Variants in TSPAN15 observed in about 807,000 individuals in gnomAD.
TSPAN15 encodes tetraspanin-15.
In TSPAN15, 20 loss-of-function variants were observed where a neutral mutation model predicts 34.5. That is an observed-to-expected ratio of 0.58 (90% CI 0.41 to 0.84). The LOEUF is 0.84. Among genes scored for constraint, TSPAN15 ranks in the 40% least tolerant of loss-of-function variants. The probability of loss-of-function intolerance (pLI) is 0.00; values close to 1 mark genes in which losing one functional copy is unlikely to be tolerated. For missense variants in TSPAN15, 313 were observed against 386.1 expected (o/e 0.81, Z 1.59); for synonymous variants, 155 against 153.9 (o/e 1.01, Z -0.05).
chr10:69,540,753 A>G, the TSPAN15 span, among the ~76,000 whole-genome samples: 2 of 152,064 alleles, frequency 1.3e-5, no homozygotes, highest in African/African-American at 4.8e-5. Flanking sequence ...GGATCTGGGC[A>G]TGTGGTTAGA....
chr10:69,457,525 T>C (rs988316705), intron 1 of TSPAN15, among the ~76,000 whole-genome samples: 5 of 152,092 alleles, frequency 3.3e-5, no homozygotes, highest in Middle Eastern at 6.8e-3. Context: ...AGAAAAGGAC[T>C]TGGTGGGAGT....
intron 1 of TSPAN15, among the ~76,000 whole-genome samples, chr10:69,455,626 C>T (rs867622773): frequency 4.4e-5 from 2 of 45,104 alleles, no homozygotes; most frequent in Admixed American, 2.0e-4. Context: ...CTCTCTCTCT[C>T]CCCCCCCCGT....
the TSPAN15 span, among the ~76,000 whole-genome samples, chr10:69,517,188 C>T: frequency 6.6e-6 from 1 of 152,206 alleles, no homozygotes; most frequent in Non-Finnish European, 1.5e-5. Context: ...CTCCCTTCCT[C>T]TCGCTGCTCC....
downstream of TSPAN15, among the ~76,000 whole-genome samples, chr10:69,508,970 T>C (rs751841671): frequency 3.9e-5 from 6 of 152,242 alleles, no homozygotes; most frequent in African/African-American, 4.8e-5. Flanking sequence ...AGCCTCTGTC[T>C]TGTCCCACTT....
the TSPAN15 span, among the ~76,000 whole-genome samples, chr10:69,542,202 A>G: frequency 6.6e-6 from 1 of 152,162 alleles, no homozygotes; most frequent in Non-Finnish European, 1.5e-5. Context: ...TTTGCATAGC[A>G]AGGGTGGCCT....
downstream of TSPAN15, among the ~76,000 whole-genome samples, chr10:69,509,074 C>A (rs1381212123): frequency 6.7e-6 from 1 of 150,134 alleles, no homozygotes; most frequent in Non-Finnish European, 1.5e-5. Flanking sequence ...CCCTTTTGTG[C>A]CCAGAGGGGA....
chr10:69,492,182 G>C (rs1841982212), intron 3 of TSPAN15, among the ~76,000 whole-genome samples: 2 of 152,054 alleles, frequency 1.3e-5, no homozygotes, highest in South Asian at 2.1e-4. Context: ...AGTGGCACTG[G>C]GTATGTTGGG....
chr10:69,487,006 G>T (rs574803288), intron 3 of TSPAN15, among the ~76,000 whole-genome samples: 1 of 151,992 alleles, frequency 6.6e-6, no homozygotes, highest in South Asian at 2.1e-4. Flanking sequence ...TGAGGGGAGA[G>T]ATCTTTATTC....
Position 69,483,686 on chromosome 10 carries a change from T to A in TSPAN15, c.97-5T>A, listed in dbSNP as rs1288738204. The A allele has an allele frequency of 6.2e-7, 1 of 1,612,470 alleles. No individual in the cohort carries two copies. The highest frequency in any genetic ancestry group is 1.1e-5 in the South Asian group (1 of 90,998). On this transcript the variant is annotated splice_polypyrimidine_tract_variant and splice_region_variant and intron_variant, in intron 1 of 7. Transcript: ENST00000373290. ...TCTCTCTCACCCTCTGTTTTCTTGC[T>A]GCAGCTGATTGGGGCCCTGGTCCTG...
chr10:69,536,003 C>T, the TSPAN15 span, among the ~76,000 whole-genome samples: 2 of 152,200 alleles, frequency 1.3e-5, no homozygotes, highest in Non-Finnish European at 2.9e-5. Context: ...ATCTTCGAAC[C>T]TGAACTTACT....
the TSPAN15 span, among the ~76,000 whole-genome samples, chr10:69,539,488 A>AAGG: frequency 2.9e-3 from 196 of 68,100 alleles, 2 homozygotes; most frequent in African/African-American, 0.011. Flanking sequence ...GAAGGAGAAG[A>AAGG]AGAAGAAGAA....
the TSPAN15 span, among the ~76,000 whole-genome samples, chr10:69,536,723 G>A: frequency 2.0e-5 from 3 of 152,070 alleles, no homozygotes; most frequent in Non-Finnish European, 4.4e-5. Context: ...GGTGGCTCGT[G>A]CCTGTAATCC....
chr10:69,460,478 CA>C lies in TSPAN15; in HGVS notation c.96+8789del, dbSNP rs1841227860. Among the ~76,000 whole-genome samples, 4 of 152,150 alleles carry C rather than the reference CA, an allele frequency of 2.6e-5. No homozygotes were observed. In the South Asian group the frequency reaches 8.3e-4, roughly 32 times the overall value. On this transcript the variant is annotated intron_variant, in intron 1 of 7. Transcript: ENST00000373290. ...GTTGGCCTGTGAAGGAGCTGGCAGC[CA>C]TCTCTGCCTCTGGCGATGTGCCATG...
chr10:69,512,993 T>A, the TSPAN15 span, among the ~76,000 whole-genome samples: 1 of 152,250 alleles, frequency 6.6e-6, no homozygotes, highest in Non-Finnish European at 1.5e-5. Flanking sequence ...TATGTTTAAC[T>A]TTTTAAGAAA....
At chr10:69,452,656 C>T (rs2133046860) in intron 1 of TSPAN15, among the ~76,000 whole-genome samples, 1 of 152,308 alleles carries the variant, frequency 6.6e-6, no homozygotes, top group East Asian at 1.9e-4. Flanking sequence ...TAAGCTGCCC[C>T]AAGAGATTGG....
chr10:69,545,849 G>T, the TSPAN15 span, among the ~76,000 whole-genome samples: 11 of 152,106 alleles, frequency 7.2e-5, no homozygotes, highest in African/African-American at 2.2e-4. Flanking sequence ...CCAGCTACTC[G>T]GGAGGCTGAG....
At chr10:69,533,418 G>A in the TSPAN15 span, among the ~76,000 whole-genome samples, 4 of 152,168 alleles carry the variant, frequency 2.6e-5, no homozygotes, top group Admixed American at 6.5e-5. Flanking sequence ...CTCAGGAATG[G>A]AAACCCAAAC....
the TSPAN15 span, among the ~76,000 whole-genome samples, chr10:69,538,910 G>A: frequency 1.3e-5 from 2 of 152,218 alleles, no homozygotes. Flanking sequence ...TGAGAAGCTT[G>A]AGGGAGGACT....
chr10:69,501,528 C>T (rs189600065), intron 5 of TSPAN15, among the ~76,000 whole-genome samples: 62 of 152,248 alleles, frequency 4.1e-4, no homozygotes, highest in African/African-American at 1.5e-3. Context: ...AATGAGTACA[C>T]GGGAAATATG....
Sources: gnomAD v4.1 joint callset for allele counts (sites outside exome capture counted in the v4.1 genomes callset) on GRCh38, gnomAD v4.1.1 for gene constraint, MANE v1.5 for transcripts, NCBI Gene and HGNC (gene_info 2026-07-23, HGNC 2026-07-21) for gene names.